The following PRKG2 variants were observed in gnomAD, a reference collection of about 807,000 sequenced individuals.
PRKG2 encodes the protein cGMP-dependent protein kinase 2.
In PRKG2, 33 loss-of-function variants were observed where a neutral mutation model predicts 97.2. The ratio of observed to expected loss-of-function variants is 0.34; its 90% confidence interval spans 0.26 to 0.45. The LOEUF (loss-of-function observed/expected upper bound fraction) is 0.45. PRKG2 is among the 20% of genes least tolerant of loss of function. PRKG2 has a pLI of 1.00. For missense variants in PRKG2, 638 were observed against 900.0 expected, an observed-to-expected ratio of 0.71 and a Z score of 3.73; for synonymous variants, 330 against 321.8, an observed-to-expected ratio of 1.03 and a Z score of -0.27.
In PRKG2 at chr4:81,133,830, C is replaced by T. The variant is rs576495297; in HGVS notation, c.1776+1325G>A. On this transcript the variant is annotated intron_variant, in intron 14 of 18. Coordinates refer to ENST00000264399, the MANE Select transcript of PRKG2 (RefSeq NM_006259.3). ...AAAAAAAAGCATCTCTATGCCTATA[C>T]ATGTGAAATATATAGCTATTTTTTT... Among the ~76,000 whole-genome samples, 29 of 150,926 alleles carry T rather than the reference C, an allele frequency of 1.9e-4. No individual in the cohort carries two copies. In the East Asian group the frequency reaches 5.3e-3, roughly 28 times the overall value.
intron 6 of PRKG2, among the ~76,000 whole-genome samples, chr4:81,166,547 T>C (rs1188544610): frequency 1.3e-5 from 2 of 152,168 alleles, no homozygotes; most frequent in Non-Finnish European, 2.9e-5. Flanking sequence ...GCATTATTCA[T>C]GAAAAGACTT....
chr4:81,120,646 A>G (rs2110001384), intron 14 of PRKG2, among the ~76,000 whole-genome samples: 1 of 152,290 alleles, frequency 6.6e-6, no homozygotes, highest in African/African-American at 2.4e-5. Context: ...TTAGCCTTGT[A>G]TCCTGCAACC....
intron 10 of PRKG2, 78 bp from the exon 11 acceptor site, chr4:81,143,025 T>C: frequency 2.8e-6 from 4 of 1,439,454 alleles, no homozygotes; most frequent in Non-Finnish European, 2.8e-6. Flanking sequence ...ATTTCACTCC[T>C]ACGACAGTCT....
At chr4:81,217,055 G>GTATATATA (rs1410182031), upstream of PRKG2, among the ~76,000 whole-genome samples, 4 of 98,080 alleles carry the variant, frequency 4.1e-5, no homozygotes, top group Admixed American at 2.0e-4. Flanking sequence ...ATATATATAT[G>GTATATATA]TGTATATATA....
chr4:81,161,322 A>G (rs1749575956), intron 6 of PRKG2, among the ~76,000 whole-genome samples: 1 of 152,186 alleles, frequency 6.6e-6, no homozygotes, highest in Admixed American at 6.6e-5. Context: ...AACCCATAAA[A>G]TTAAAGTAAC....
chr4:81,156,617 C>T (rs1450722068), intron 6 of PRKG2, among the ~76,000 whole-genome samples: 1 of 152,184 alleles, frequency 6.6e-6, no homozygotes, highest in Non-Finnish European at 1.5e-5. Flanking sequence ...CCCAAATCAA[C>T]AGAATATACA....
At chr4:81,126,109 A>G (rs1745524540) in intron 14 of PRKG2, among the ~76,000 whole-genome samples, 1 of 152,098 alleles carries the variant, frequency 6.6e-6, no homozygotes, top group South Asian at 2.1e-4. Context: ...ACTCCCACTT[A>G]GAGGGAGAAC....
chr4:81,178,945 T>C (rs777479747), intron 2 of PRKG2, among the ~76,000 whole-genome samples: 45 of 151,840 alleles, frequency 3.0e-4, no homozygotes, highest in Non-Finnish European at 3.5e-4. Context: ...GCCAATATGG[T>C]GAAACTCCAT....
intron 12 of PRKG2, among the ~76,000 whole-genome samples, chr4:81,139,505 C>T (rs554215302): frequency 1.6e-4 from 24 of 152,140 alleles, no homozygotes; most frequent in Admixed American, 6.5e-4. Context: ...CAGTGGCTCA[C>T]GCCTGTAATC....
chr4:81,189,066 T>TAAAAAAAAA, intron 2 of PRKG2, among the ~76,000 whole-genome samples: 195 of 17,058 alleles, frequency 0.011, 9 homozygotes, highest in East Asian at 0.024. Flanking sequence ...AAAAAAATAA[T>TAAAAAAAAA]AAAAAAAAAA....
At chr4:81,099,556 C>G (rs193269258) in intron 17 of PRKG2, among the ~76,000 whole-genome samples, 1 of 152,046 alleles carries the variant, frequency 6.6e-6, no homozygotes, top group Non-Finnish European at 1.5e-5. Flanking sequence ...ATTGATGGGA[C>G]GTATCTCAAA....
At chr4:81,168,345 A>G (rs1442635207) in intron 5 of PRKG2, among the ~76,000 whole-genome samples, 1 of 152,108 alleles carries the variant, frequency 6.6e-6, no homozygotes, top group African/African-American at 2.4e-5. Flanking sequence ...GTGCCTGCTA[A>G]TAAGTATTAG....
chr4:81,157,847 G>C (rs908446742), intron 6 of PRKG2, among the ~76,000 whole-genome samples: 1 of 149,256 alleles, frequency 6.7e-6, no homozygotes, highest in East Asian at 1.9e-4. Context: ...TATCTCAATA[G>C]ATGCAGAAAA....
At chr4:81,157,224 G>A (rs1489101607) in intron 6 of PRKG2, among the ~76,000 whole-genome samples, 6 of 152,130 alleles carry the variant, frequency 3.9e-5, no homozygotes, top group South Asian at 2.1e-4. Context: ...TCAAATAGAT[G>A]CAATAAAAAA....
intron 1 of PRKG2, among the ~76,000 whole-genome samples, chr4:81,207,252 C>T (rs1753731001): frequency 6.6e-6 from 1 of 152,102 alleles, no homozygotes; most frequent in Non-Finnish European, 1.5e-5. Context: ...GTTTTTAACA[C>T]GCATCAGTGA....
At chr4:81,110,011 T>C (rs909926714) in intron 15 of PRKG2, among the ~76,000 whole-genome samples, 8 of 152,186 alleles carry the variant, frequency 5.3e-5, no homozygotes, top group Admixed American at 5.2e-4. Flanking sequence ...GCATTTCTGG[T>C]TAATGATATG....
At chr4:81,139,737 T>C (rs1747077124) in intron 12 of PRKG2, among the ~76,000 whole-genome samples, 1 of 142,790 alleles carries the variant, frequency 7.0e-6, no homozygotes, top group Admixed American at 7.5e-5. Context: ...ATCACGCCAC[T>C]GCACTGAAGC....
At chr4:81,173,306 C>A (rs919466169) in intron 3 of PRKG2, among the ~76,000 whole-genome samples, 2 of 152,064 alleles carry the variant, frequency 1.3e-5, no homozygotes, top group African/African-American at 4.8e-5. Flanking sequence ...TGTGCCATAA[C>A]TCTGATCTCA....
intron 6 of PRKG2, among the ~76,000 whole-genome samples, chr4:81,155,232 TA>T (rs1450492841): frequency 1.3e-5 from 2 of 149,152 alleles, no homozygotes; most frequent in African/African-American, 5.0e-5. Flanking sequence ...GAAAAGTGCT[TA>T]AAGGAGCTGA....
Sources: allele counts gnomAD v4.1 joint callset (sites outside exome capture counted in the v4.1 genomes callset), GRCh38; gene constraint gnomAD v4.1.1; transcripts MANE v1.5; gene names NCBI Gene and HGNC (gene_info 2026-07-23, HGNC 2026-07-21).